The following RBFOX1 variants were observed in gnomAD, a reference collection of about 807,000 sequenced individuals.
RBFOX1 encodes the protein RNA binding fox-1 homolog 1.
In RBFOX1, 8 loss-of-function variants were observed where a neutral mutation model predicts 57.7. That is an observed-to-expected ratio of 0.14 (90% CI 0.08 to 0.25). The LOEUF is 0.25. RBFOX1 is among the 10% of genes least tolerant of loss of function. The pLI is 1.00. For synonymous variants in RBFOX1, 326 were observed against 222.4 expected, an observed-to-expected ratio of 1.47 and a Z score of -4.15; for missense variants, 611 against 548.5, an observed-to-expected ratio of 1.11 and a Z score of -1.14.
intron 4 of RBFOX1, among the ~76,000 whole-genome samples, chr16:5,986,069 T>A (rs1279905608): frequency 6.6e-6 from 1 of 152,040 alleles, no homozygotes; most frequent in South Asian, 2.1e-4. Context: ...CTTTTTTTTT[T>A]TTTTGTTTTC....
intron 14 of RBFOX1, among the ~76,000 whole-genome samples, chr16:7,694,516 C>T (rs775005983): frequency 4.6e-5 from 7 of 152,194 alleles, no homozygotes; most frequent in South Asian, 2.1e-4. Flanking sequence ...CTGGTGAGTT[C>T]AAGAGGTATG....
intron 4 of RBFOX1, among the ~76,000 whole-genome samples, chr16:7,320,891 T>G (rs2096532915): frequency 1.3e-5 from 2 of 152,182 alleles, no homozygotes; most frequent in South Asian, 4.1e-4. Flanking sequence ...TTCAGAAAGT[T>G]TAAGTAACTT....
chr16:6,098,046 G>T (rs774770493), intron 1 of RBFOX1, among the ~76,000 whole-genome samples: 6 of 152,150 alleles, frequency 3.9e-5, no homozygotes, highest in Admixed American at 6.5e-5. Context: ...ATAGCAAGGG[G>T]TTATGCTATT....
intron 4 of RBFOX1, among the ~76,000 whole-genome samples, chr16:5,870,495 G>A (rs960927268): frequency 6.6e-6 from 1 of 151,968 alleles, no homozygotes; most frequent in African/African-American, 2.4e-5. Context: ...TAAGTGAGAT[G>A]AAGGGAATTA....
chr16:6,593,976 G>A (rs947834782), intron 2 of RBFOX1, among the ~76,000 whole-genome samples: 1 of 152,162 alleles, frequency 6.6e-6, no homozygotes, highest in Non-Finnish European at 1.5e-5. Context: ...AGTCATGCAC[G>A]TGGAAGATTC....
At chr16:7,246,035 C>T (rs1023339821) in intron 4 of RBFOX1, among the ~76,000 whole-genome samples, 4 of 152,168 alleles carry the variant, frequency 2.6e-5, no homozygotes, top group South Asian at 2.1e-4. Context: ...TTATCACCCA[C>T]CTTAGATGAA....
chr16:5,451,968 A>G (rs2068438914), intron 1 of RBFOX1, among the ~76,000 whole-genome samples: 1 of 151,912 alleles, frequency 6.6e-6, no homozygotes, highest in Non-Finnish European at 1.5e-5. Flanking sequence ...AATAAAATTC[A>G]CCATCAAATT....
At chr16:7,142,234 G>A (rs1389064604) in intron 4 of RBFOX1, among the ~76,000 whole-genome samples, 1 of 152,052 alleles carries the variant, frequency 6.6e-6, no homozygotes, top group African/African-American at 2.4e-5. Context: ...ATGTTGTCCA[G>A]GCTGGCCTTG....
chr16:6,315,600 G>T (rs2081016173), intron 1 of RBFOX1, among the ~76,000 whole-genome samples: 1 of 148,632 alleles, frequency 6.7e-6, no homozygotes. Flanking sequence ...TGGATAGATG[G>T]ATGGATGAAT....
intron 3 of RBFOX1, among the ~76,000 whole-genome samples, chr16:6,860,897 A>G (rs1258835239): frequency 6.6e-6 from 1 of 152,162 alleles, no homozygotes; most frequent in Non-Finnish European, 1.5e-5. Flanking sequence ...CAAAATATAC[A>G]TTTATATGTA....
At chr16:6,718,318 T>C (rs746005082) in intron 3 of RBFOX1, among the ~76,000 whole-genome samples, 1 of 152,196 alleles carries the variant, frequency 6.6e-6, no homozygotes, top group African/African-American at 2.4e-5. Context: ...CCCTTGTCTT[T>C]AGTAAATACA....
chr16:5,867,651 A>G (rs746596780), intron 4 of RBFOX1, among the ~76,000 whole-genome samples: 6 of 152,058 alleles, frequency 3.9e-5, no homozygotes, highest in African/African-American at 7.2e-5. Context: ...CACTGTCTGT[A>G]TTATATAGTT....
intron 3 of RBFOX1, among the ~76,000 whole-genome samples, chr16:6,799,121 C>G (rs1237627009): frequency 2.6e-5 from 4 of 151,866 alleles, no homozygotes; most frequent in African/African-American, 4.8e-5. Flanking sequence ...CAGGTGAATC[C>G]CAGAACTGGG....
chr16:7,288,297 A>C (rs76071366), intron 4 of RBFOX1, among the ~76,000 whole-genome samples: 1 of 152,314 alleles, frequency 6.6e-6, no homozygotes, highest in South Asian at 2.1e-4. Flanking sequence ...TTGGAAATCC[A>C]TTTAAGGAAT....
chr16:7,393,539 T>C (rs2098083353), intron 4 of RBFOX1, among the ~76,000 whole-genome samples: 1 of 152,132 alleles, frequency 6.6e-6, no homozygotes, highest in Admixed American at 6.5e-5. Flanking sequence ...GTGCAAGTGG[T>C]GAATTGAAGG....
Position 6,146,006 on chromosome 16 carries a change from G to A in RBFOX1, c.-127+126014G>A, listed in dbSNP as rs1263350951. On this transcript the variant is annotated intron_variant, in intron 1 of 15. Transcript: ENST00000550418. Reference sequence around the variant, plus strand: ...AGGCATTTATTTGCAAGGTAGCAGTGTGGAGGTTAAGATGATAATCTAAGG... The same window carrying A: ...AGGCATTTATTTGCAAGGTAGCAGTATGGAGGTTAAGATGATAATCTAAGG... Among the ~76,000 whole-genome samples the A allele has an allele frequency of 5.3e-5, 8 of 152,214 alleles. No individual in the cohort carries two copies. In the East Asian group the frequency reaches 1.2e-3, roughly 22 times the overall value.
intron 3 of RBFOX1, among the ~76,000 whole-genome samples, chr16:5,746,257 G>A (rs2052976595): frequency 6.6e-6 from 1 of 152,112 alleles, no homozygotes; most frequent in African/African-American, 2.4e-5. Context: ...GTAGATGTGT[G>A]GTATTATTTC....
chr16:5,423,132 G>A (rs919333286), intron 1 of RBFOX1, among the ~76,000 whole-genome samples: 37 of 151,614 alleles, frequency 2.4e-4, no homozygotes, highest in African/African-American at 8.5e-4. Context: ...GGGAGGAGGT[G>A]GAGAGGGAGA....
At chr16:7,522,395 G>C (rs991270943) in intron 5 of RBFOX1, among the ~76,000 whole-genome samples, 4 of 152,102 alleles carry the variant, frequency 2.6e-5, no homozygotes, top group Non-Finnish European at 4.4e-5. Context: ...TTGAATGTTG[G>C]GCTATACAGC....
Sources: allele counts gnomAD v4.1 joint callset (sites outside exome capture counted in the v4.1 genomes callset), GRCh38; gene constraint gnomAD v4.1.1; transcripts MANE v1.5; gene names NCBI Gene and HGNC (gene_info 2026-07-23, HGNC 2026-07-21).